OPA1: variants seen among roughly 807,000 people sequenced by gnomAD.
OPA1 encodes dynamin-like GTPase OPA1, mitochondrial.
OPA1 carries 59 observed loss-of-function variants against 152.9 expected under a neutral mutation model. The ratio of observed to expected loss-of-function variants is 0.39; its 90% CI spans 0.31 to 0.48. The LOEUF (loss-of-function observed/expected upper bound fraction) is 0.48. Among genes scored for constraint, OPA1 ranks in the 20% least tolerant of loss-of-function variants. The probability of loss-of-function intolerance (pLI) is 0.96; values close to 1 mark genes in which losing one functional copy is unlikely to be tolerated. For synonymous variants in OPA1, 400 were observed against 389.9 expected (o/e 1.03, Z -0.31); for missense variants, 1,008 against 1,216.8 (o/e 0.83, Z 2.55).
At chr3:193,654,739 G>A (rs1034635696) in intron 21 of OPA1, 123 bp from the exon 22 acceptor site, 4 of 1,018,788 alleles carry the variant, frequency 3.9e-6, no homozygotes, top group Non-Finnish European at 5.9e-6. Context: ...ATATACACAT[G>A]TGAAAACTTA....
At chr3:193,616,750 T>A (rs1320426511) in intron 3 of OPA1, among the ~76,000 whole-genome samples, 2 of 152,236 alleles carry the variant, frequency 1.3e-5, no homozygotes, top group African/African-American at 2.4e-5. Flanking sequence ...CAAATTTTTT[T>A]AAAACCTTTG....
intron 22 of OPA1, 88 bp downstream of exon 22, chr3:193,655,115 C>T: frequency 8.3e-7 from 1 of 1,199,590 alleles, no homozygotes; most frequent in African/African-American, 1.5e-5. Context: ...CCATCACAGC[C>T]TCTATCTTTC....
At chr3:193,620,707 A>G (rs935749288) in intron 6 of OPA1, among the ~76,000 whole-genome samples, 2 of 152,164 alleles carry the variant, frequency 1.3e-5, no homozygotes, top group Non-Finnish European at 2.9e-5. Context: ...AATTATAGCA[A>G]ATGCTACTAT....
chr3:193,668,472 C>G (rs983960722), intron 29 of OPA1: 2 of 1,550,448 alleles, frequency 1.3e-6, no homozygotes, highest in Non-Finnish European at 1.7e-6. Context: ...TCTGCTCTGA[C>G]GCTTTGTGCC....
intron 21 of OPA1, 45 bp downstream of exon 21, chr3:193,648,916 C>A: frequency 8.0e-7 from 1 of 1,254,630 alleles, no homozygotes; most frequent in Non-Finnish European, 1.2e-6. Flanking sequence ...CTTTACTGTA[C>A]AGGTTATAAT....
chr3:193,671,677 TACA>T (rs1345253194), intron 29 of OPA1, among the ~76,000 whole-genome samples: 1 of 152,252 alleles, frequency 6.6e-6, no homozygotes, highest in Non-Finnish European at 1.5e-5. Context: ...AATGCATGAT[TACA>T]ACAAATGTTT....
At chr3:193,632,845 A>G (rs1732309222) in intron 8 of OPA1, among the ~76,000 whole-genome samples, 2 of 152,226 alleles carry the variant, frequency 1.3e-5, no homozygotes, top group Non-Finnish European at 2.9e-5. Context: ...CCAATAGAGC[A>G]AGACCCTGTC....
At chr3:193,653,710 G>A (rs1713092179) in intron 21 of OPA1, among the ~76,000 whole-genome samples, 2 of 152,104 alleles carry the variant, frequency 1.3e-5, no homozygotes, top group African/African-American at 4.8e-5. Context: ...GATCTGATAA[G>A]TTGTCATATT....
chr3:193,618,463 G>A (rs541243641), intron 5 of OPA1: 2 of 209,066 alleles, frequency 9.6e-6, no homozygotes, highest in South Asian at 1.4e-4. Flanking sequence ...GGGCGACAGA[G>A]GGAGACTCTG....
chr3:193,596,941 C>T (rs934990115), intron 1 of OPA1: 5 of 152,182 alleles, frequency 3.3e-5, no homozygotes, highest in East Asian at 1.9e-4. Flanking sequence ...AAACTAAAGA[C>T]GACTTGTGAG....
chr3:193,630,850 ATTG>A (rs1227548497), intron 7 of OPA1, among the ~76,000 whole-genome samples: 3 of 152,120 alleles, frequency 2.0e-5, no homozygotes, highest in Admixed American at 6.6e-5. Flanking sequence ...ATAAAATAAA[ATTG>A]TTTTTTAATA....
chr3:193,692,453 T>A (rs1231988081), intron 30 of OPA1, among the ~76,000 whole-genome samples: 1 of 152,226 alleles, frequency 6.6e-6, no homozygotes, highest in Non-Finnish European at 1.5e-5. Context: ...TGACATTACT[T>A]TATTCTTCTT....
intron 9 of OPA1, among the ~76,000 whole-genome samples, chr3:193,636,877 A>G (rs1733031865): frequency 6.6e-6 from 1 of 152,088 alleles, no homozygotes; most frequent in Non-Finnish European, 1.5e-5. Context: ...TTTTGGTGTT[A>G]ATGGTCTTTT....
chr3:193,618,940 A>T lies in OPA1; in HGVS notation c.678+4A>T. The T allele has an allele frequency of 6.2e-7, 1 of 1,609,466 alleles. No homozygotes were observed. Among genetic ancestry groups the T allele is most frequent in the East Asian group, 2.2e-5 (1 of 44,834 alleles). On this transcript the variant is annotated splice_donor_region_variant and intron_variant, in intron 6 of 30. Transcript: ENST00000361510. ...AAGTGACAAGCATTTTAGAAAGGTA[A>T]GTGTAAAAGAGAATTGTTCATGTAG...
intron 27 of OPA1, among the ~76,000 whole-genome samples, chr3:193,665,883 G>C (rs183783011): frequency 6.6e-6 from 1 of 152,232 alleles, no homozygotes; most frequent in East Asian, 1.9e-4. Context: ...TTTTCACACA[G>C]CTGAATTTTA....
intron 8 of OPA1, among the ~76,000 whole-genome samples, chr3:193,633,754 C>T (rs1377004788): frequency 6.6e-6 from 1 of 152,198 alleles, no homozygotes; most frequent in Admixed American, 6.5e-5. Flanking sequence ...GTATTTTACA[C>T]TTACAGCACA....
rs954514403 is a variant in OPA1 at position 193,657,815 on chromosome 3, T to C, written c.2331+583T>C. On this transcript the variant is annotated intron_variant, in intron 23 of 30. Coordinates refer to ENST00000361510, the MANE Select transcript of OPA1 (RefSeq NM_130837.3). The stretch of plus-strand genomic sequence containing the variant: ...ATAAATCTTTTGTTATGTAGACTGC[T>C]CTCACTACCAAAATCAAATCTGTTA... 2.0e-5 allele frequency among the ~76,000 whole-genome samples: 3 copies of C among 152,216 alleles called. No homozygotes were observed. The East Asian group carries it at 5.8e-4, about 29-fold the overall frequency.
At chr3:193,597,942 G>T (rs1300486978) in intron 1 of OPA1, among the ~76,000 whole-genome samples, 1 of 152,002 alleles carries the variant, frequency 6.6e-6, no homozygotes, top group East Asian at 1.9e-4. Flanking sequence ...AACTGGGCAT[G>T]CTGGCACACA....
chr3:193,614,636 T>TGTG, intron 1 of OPA1, 87 bp from the exon 2 acceptor site: 5 of 1,005,078 alleles, frequency 5.0e-6, no homozygotes, highest in Non-Finnish European at 8.0e-6. Context: ...TGGGGCTGTG[T>TGTG]TTCCTTTAGT....
Sources: allele counts gnomAD v4.1 joint callset (sites outside exome capture counted in the v4.1 genomes callset), GRCh38; gene constraint gnomAD v4.1.1; transcripts MANE v1.5; gene names NCBI Gene and HGNC (gene_info 2026-07-23, HGNC 2026-07-21).